The following CNTN4 variants were observed in gnomAD, a reference collection of about 807,000 sequenced individuals.
CNTN4 encodes contactin-4.
A neutral mutation model predicts 122.5 loss-of-function variants in CNTN4; 77 were observed. The observed-to-expected ratio is 0.63, with a 90% confidence interval of 0.52 to 0.76. The LOEUF (loss-of-function observed/expected upper bound fraction) is 0.76, where lower values mean the gene tolerates loss of function less well. Ranked by LOEUF, CNTN4 falls within the 30% of genes least tolerant of loss-of-function variation. CNTN4 has a pLI of 0.00. For synonymous variants in CNTN4, 512 were observed against 447.0 expected, an observed-to-expected ratio of 1.15 and a Z score of -1.83; for missense variants, 1,256 against 1,259.1, an observed-to-expected ratio of 1.00 and a Z score of 0.04.
intron 8 of CNTN4, 120 bp from the exon 9 acceptor site, chr3:2,883,025 A>G: frequency 1.4e-6 from 1 of 721,034 alleles, no homozygotes; most frequent in Non-Finnish European, 2.4e-6. Context: ...GCTTTAAATG[A>G]AGGAATTAAT....
intron 2 of CNTN4, among the ~76,000 whole-genome samples, chr3:2,307,036 TGTA>T (rs1403957222): frequency 3.3e-5 from 5 of 152,236 alleles, no homozygotes; most frequent in African/African-American, 4.8e-5. Context: ...GGATTTTCTA[TGTA>T]GAAGAAATTG....
intron 13 of CNTN4, among the ~76,000 whole-genome samples, chr3:2,954,623 C>T (rs942615114): frequency 6.6e-6 from 1 of 151,728 alleles, no homozygotes; most frequent in Admixed American, 6.6e-5. Context: ...AGGGGGAGGG[C>T]AGTTCATATA....
chr3:2,283,072 A>G (rs1223952678), intron 2 of CNTN4, among the ~76,000 whole-genome samples: 1 of 152,140 alleles, frequency 6.6e-6, no homozygotes, highest in African/African-American at 2.4e-5. Context: ...TGGTGGCTAC[A>G]CAATTTTGTG....
At chr3:2,495,013 T>G (rs1269804415) in intron 3 of CNTN4, among the ~76,000 whole-genome samples, 2 of 152,210 alleles carry the variant, frequency 1.3e-5, no homozygotes, top group Non-Finnish European at 2.9e-5. Flanking sequence ...GGTAGTCCAT[T>G]AAGTCCTCGA....
At chr3:2,494,457 T>C (rs1051187482) in intron 3 of CNTN4, among the ~76,000 whole-genome samples, 3 of 152,106 alleles carry the variant, frequency 2.0e-5, no homozygotes, top group Non-Finnish European at 2.9e-5. Flanking sequence ...GAAGGAAATA[T>C]TTGTAGTTAA....
chr3:2,397,259 C>G (rs926316489), intron 3 of CNTN4, among the ~76,000 whole-genome samples: 2 of 152,054 alleles, frequency 1.3e-5, no homozygotes, highest in African/African-American at 4.8e-5. Flanking sequence ...TTTTCTTATG[C>G]GAATTACAGC....
At chr3:2,517,542 G>A (rs2077074799) in intron 3 of CNTN4, among the ~76,000 whole-genome samples, 1 of 152,142 alleles carries the variant, frequency 6.6e-6, no homozygotes, top group Non-Finnish European at 1.5e-5. Flanking sequence ...AGGGCGTAAT[G>A]CCATGCAATA....
At chr3:3,048,363 G>A (rs1467465291) in intron 23 of CNTN4, among the ~76,000 whole-genome samples, 1 of 152,090 alleles carries the variant, frequency 6.6e-6, no homozygotes, top group African/African-American at 2.4e-5. Flanking sequence ...AAAGTATACG[G>A]AAAGATATGC....
At chr3:2,395,436 A>G (rs1272165262) in intron 3 of CNTN4, among the ~76,000 whole-genome samples, 1 of 152,194 alleles carries the variant, frequency 6.6e-6, no homozygotes, top group African/African-American at 2.4e-5. Flanking sequence ...ATTGAACTAT[A>G]TACTTTCCTT....
chr3:3,023,063 A>G (rs1407284100), intron 14 of CNTN4, among the ~76,000 whole-genome samples: 1 of 152,186 alleles, frequency 6.6e-6, no homozygotes, highest in African/African-American at 2.4e-5. Flanking sequence ...GCAGGAAGCC[A>G]TCTGTTTGTT....
chr3:2,990,182 T>A (rs568721348), intron 14 of CNTN4, among the ~76,000 whole-genome samples: 1 of 152,338 alleles, frequency 6.6e-6, no homozygotes, highest in South Asian at 2.1e-4. Flanking sequence ...CATGTTTTCA[T>A]AAAATGAGGT....
At chr3:2,661,683 G>A (rs1032105189) in intron 4 of CNTN4, among the ~76,000 whole-genome samples, 1 of 151,316 alleles carries the variant, frequency 6.6e-6, no homozygotes, top group African/African-American at 2.4e-5. Flanking sequence ...GTAGTGGCGG[G>A]TGCTTGTAAT....
Position 2,887,225 on chromosome 3 carries a change from G to T in CNTN4, c.940+1G>T, listed in dbSNP as rs1422609190. 2 of 1,611,646 alleles carry T rather than the reference G, an allele frequency of 1.2e-6. No homozygotes were observed. Among genetic ancestry groups the T allele is most frequent in the Non-Finnish European group, 1.7e-6 (2 of 1,179,482 alleles). The stretch of plus-strand genomic sequence containing the variant: ...GCAAGGGGACAGCTAACTTTCTATG[G>T]TAAGTGTATGATTTCAGTTTATCAT... On this transcript the variant is annotated splice_donor_variant, in intron 10 of 24. Coordinates refer to ENST00000418658, the MANE Select transcript of CNTN4 (RefSeq NM_175607.3). LOFTEE classifies it high-confidence loss of function.
chr3:2,463,916 T>C (rs924327873), intron 3 of CNTN4, among the ~76,000 whole-genome samples: 1 of 152,166 alleles, frequency 6.6e-6, no homozygotes, highest in Non-Finnish European at 1.5e-5. Context: ...AGTGGATTCT[T>C]ATGACCTAGA....
chr3:2,361,076 T>A (rs1253896303), intron 3 of CNTN4, among the ~76,000 whole-genome samples: 1 of 152,172 alleles, frequency 6.6e-6, no homozygotes, highest in Non-Finnish European at 1.5e-5. Context: ...AGGAAGTGAC[T>A]TGTATCATGG....
chr3:3,051,924 G>C (rs1427279344), intron 23 of CNTN4, among the ~76,000 whole-genome samples: 1 of 152,104 alleles, frequency 6.6e-6, no homozygotes, highest in Non-Finnish European at 1.5e-5. Context: ...GCTTCTCAAC[G>C]CATGATCCCT....
chr3:2,545,582 C>A (rs2078209611), intron 3 of CNTN4, among the ~76,000 whole-genome samples: 1 of 148,970 alleles, frequency 6.7e-6, no homozygotes, highest in Non-Finnish European at 1.5e-5. Flanking sequence ...GTTAGCTTCA[C>A]TTATTGAATT....
chr3:2,431,969 A>G (rs1432594168), intron 3 of CNTN4, among the ~76,000 whole-genome samples: 1 of 152,238 alleles, frequency 6.6e-6, no homozygotes, highest in African/African-American at 2.4e-5. Context: ...AGGCCAGATT[A>G]TCTCATCTAT....
chr3:2,370,720 C>G (rs1375208487), intron 3 of CNTN4, among the ~76,000 whole-genome samples: 1 of 152,062 alleles, frequency 6.6e-6, no homozygotes, highest in African/African-American at 2.4e-5. Context: ...TTATTGTTAA[C>G]CAGTATTGAT....
Sources: allele counts gnomAD v4.1 joint callset (sites outside exome capture counted in the v4.1 genomes callset), GRCh38; gene constraint gnomAD v4.1.1; transcripts MANE v1.5; gene names NCBI Gene and HGNC (gene_info 2026-07-23, HGNC 2026-07-21).